The following ANGPT1 variants were observed in gnomAD, a reference collection of about 807,000 sequenced individuals.
ANGPT1 encodes the protein angiopoietin-1.
In ANGPT1, 17 loss-of-function variants were observed where a neutral mutation model predicts 62.2. The ratio of observed to expected loss-of-function variants is 0.27; its 90% CI spans 0.19 to 0.41. The LOEUF (loss-of-function observed/expected upper bound fraction) is 0.41, where lower values mean the gene tolerates loss of function less well. Among genes scored for constraint, ANGPT1 ranks in the 10% least tolerant of loss-of-function variants. The pLI, the probability that ANGPT1 is intolerant of heterozygous loss-of-function variation, is 1.00. For synonymous variants in ANGPT1, 199 were observed against 198.9 expected, an observed-to-expected ratio of 1.00 and a Z score of 0.00; for missense variants, 478 against 594.9, an observed-to-expected ratio of 0.80 and a Z score of 2.04.
intron 1 of ANGPT1, among the ~76,000 whole-genome samples, chr8:107,472,350 C>T (rs1013658804): frequency 2.6e-5 from 4 of 152,068 alleles, no homozygotes; most frequent in Non-Finnish European, 4.4e-5. Context: ...GCCATCCACA[C>T]TTAATGAGTG....
At chr8:107,485,775 T>A (rs932566906) in intron 1 of ANGPT1, among the ~76,000 whole-genome samples, 1 of 152,250 alleles carries the variant, frequency 6.6e-6, no homozygotes, top group Non-Finnish European at 1.5e-5. Flanking sequence ...CAGGATTGCC[T>A]ACAGATAAAT....
intron 7 of ANGPT1, among the ~76,000 whole-genome samples, chr8:107,269,779 A>G (rs1813696829): frequency 6.6e-6 from 1 of 152,066 alleles, no homozygotes; most frequent in Non-Finnish European, 1.5e-5. Context: ...ACGACATAGA[A>G]TTATGGCATT....
Position 107,362,113 on chromosome 8 carries a change from G to A in ANGPT1, c.298-15016C>T, listed in dbSNP as rs536050322. On this transcript the variant is annotated intron_variant, in intron 1 of 8. Coordinates refer to ENST00000517746, the MANE Select transcript of ANGPT1 (RefSeq NM_001146.5). Reference sequence around the variant, plus strand: ...CAGATACATACACATATGTAGATGTGCATATGTATTATACATTTTCACATA... The same window carrying A: ...CAGATACATACACATATGTAGATGTACATATGTATTATACATTTTCACATA... Among the ~76,000 whole-genome samples the A allele has an allele frequency of 7.7e-4, 117 of 152,088 alleles. 1 individual carries two copies. Among genetic ancestry groups the A allele is most frequent in the Non-Finnish European group, 1.4e-3 (93 of 68,014 alleles).
chr8:107,332,919 T>C (rs1199469378), intron 3 of ANGPT1, among the ~76,000 whole-genome samples: 1 of 152,224 alleles, frequency 6.6e-6, no homozygotes, highest in Non-Finnish European at 1.5e-5. Flanking sequence ...AAGATTCATA[T>C]AAGGAATAAC....
intron 6 of ANGPT1, among the ~76,000 whole-genome samples, chr8:107,287,323 A>G (rs1200129469): frequency 1.3e-5 from 2 of 152,194 alleles, no homozygotes; most frequent in African/African-American, 2.4e-5. Context: ...CTGTCTCCAC[A>G]TGCAGGCCTG....
At chr8:107,279,275 T>C (rs1813939814) in intron 7 of ANGPT1, among the ~76,000 whole-genome samples, 1 of 152,216 alleles carries the variant, frequency 6.6e-6, no homozygotes, top group African/African-American at 2.4e-5. Context: ...GTAGTTCTAT[T>C]GTAGAAAATT....
chr8:107,256,744 G>T (rs746502505), intron 8 of ANGPT1, among the ~76,000 whole-genome samples: 9 of 152,120 alleles, frequency 5.9e-5, no homozygotes, highest in Non-Finnish European at 1.0e-4. Flanking sequence ...AAGCCTGAAA[G>T]AACTCAATGA....
chr8:107,401,455 G>A (rs1455846987), intron 1 of ANGPT1, among the ~76,000 whole-genome samples: 2 of 152,148 alleles, frequency 1.3e-5, no homozygotes, highest in African/African-American at 4.8e-5. Flanking sequence ...GTTTCTACAG[G>A]TTGGAATAGT....
intron 6 of ANGPT1, among the ~76,000 whole-genome samples, chr8:107,292,132 C>T (rs1266945857): frequency 6.6e-6 from 1 of 152,058 alleles, no homozygotes; most frequent in Non-Finnish European, 1.5e-5. Flanking sequence ...GGTCCCTGGA[C>T]CACATTTTGA....
chr8:107,440,715 A>G (rs1811453108), intron 1 of ANGPT1, among the ~76,000 whole-genome samples: 2 of 152,254 alleles, frequency 1.3e-5, no homozygotes, highest in Non-Finnish European at 2.9e-5. Context: ...TAAAAACAAC[A>G]GGCTGATGGT....
intron 1 of ANGPT1, among the ~76,000 whole-genome samples, chr8:107,350,469 A>G (rs1815908070): frequency 6.6e-6 from 1 of 152,134 alleles, no homozygotes; most frequent in African/African-American, 2.4e-5. Flanking sequence ...TGGCTACATC[A>G]AGGTTCAGTG....
chr8:107,492,130 C>A (rs1279694679), intron 1 of ANGPT1, among the ~76,000 whole-genome samples: 1 of 152,130 alleles, frequency 6.6e-6, no homozygotes, highest in Non-Finnish European at 1.5e-5. Context: ...AATACAGATT[C>A]TGAAGGGCTC....
intron 1 of ANGPT1, among the ~76,000 whole-genome samples, chr8:107,483,794 T>C (rs1295770048): frequency 6.6e-6 from 1 of 152,210 alleles, no homozygotes; most frequent in Non-Finnish European, 1.5e-5. Flanking sequence ...ACAGATAAGC[T>C]GTTTTAAAAT....
At chr8:107,280,691 G>A (rs886209827) in intron 7 of ANGPT1, among the ~76,000 whole-genome samples, 4 of 152,192 alleles carry the variant, frequency 2.6e-5, no homozygotes, top group Non-Finnish European at 5.9e-5. Context: ...GGTAGGTAAA[G>A]TTAGGGAGAG....
chr8:107,286,288 G>A (rs1814138675), intron 6 of ANGPT1, among the ~76,000 whole-genome samples: 1 of 152,090 alleles, frequency 6.6e-6, no homozygotes. Flanking sequence ...GGAAAAGAGA[G>A]TTTTAATTTT....
At chr8:107,416,562 C>T (rs144773115) in intron 1 of ANGPT1, among the ~76,000 whole-genome samples, 43 of 152,176 alleles carry the variant, frequency 2.8e-4, no homozygotes, top group Non-Finnish European at 5.3e-4. Flanking sequence ...TCCTCTTTGG[C>T]CTTTTATGGA....
intron 1 of ANGPT1, among the ~76,000 whole-genome samples, chr8:107,477,310 A>G (rs1254113504): frequency 6.6e-6 from 1 of 152,208 alleles, no homozygotes; most frequent in Non-Finnish European, 1.5e-5. Flanking sequence ...CAGTTTGCAC[A>G]AAGTTAAGGA....
chr8:107,355,074 G>GT (rs75427839), intron 1 of ANGPT1, among the ~76,000 whole-genome samples: 2 of 151,588 alleles, frequency 1.3e-5, no homozygotes, highest in African/African-American at 4.8e-5. Flanking sequence ...GCTAATTTTT[G>GT]TTTTTTTAGT....
At chr8:107,289,571 T>G (rs1425121427) in intron 6 of ANGPT1, among the ~76,000 whole-genome samples, 2 of 152,168 alleles carry the variant, frequency 1.3e-5, no homozygotes, top group African/African-American at 4.8e-5. Context: ...TGCTGAGACG[T>G]GCAACTCAAG....
Sources: allele counts gnomAD v4.1 joint callset (sites outside exome capture counted in the v4.1 genomes callset), GRCh38; gene constraint gnomAD v4.1.1; transcripts MANE v1.5; gene names NCBI Gene and HGNC (gene_info 2026-07-23, HGNC 2026-07-21).